Variants in CACNA1C observed in about 807,000 individuals in gnomAD.
CACNA1C encodes the protein voltage-dependent L-type calcium channel subunit alpha-1C.
CACNA1C carries 30 observed loss-of-function variants against 229.0 expected under a neutral mutation model. The ratio of observed to expected loss-of-function variants is 0.13; its 90% CI spans 0.10 to 0.18. CACNA1C has a LOEUF of 0.18. Ranked by LOEUF, CACNA1C falls within the 10% of genes least tolerant of loss-of-function variation. The pLI, the probability that CACNA1C is intolerant of heterozygous loss-of-function variation, is 1.00. For synonymous variants in CACNA1C, 1,114 were observed against 1,132.5 expected, an observed-to-expected ratio of 0.98 and a Z score of 0.33; for missense variants, 1,658 against 2,845.0, an observed-to-expected ratio of 0.58 and a Z score of 9.49.
At chr12:2,294,706 A>G (rs562375869) in intron 3 of CACNA1C, among the ~76,000 whole-genome samples, 160 of 152,244 alleles carry the variant, frequency 1.1e-3, no homozygotes, top group African/African-American at 3.5e-3. Flanking sequence ...TGGCTTTGTT[A>G]GTTAATATGT....
At chr12:2,508,664 A>G (rs2099776956) in intron 8 of CACNA1C, among the ~76,000 whole-genome samples, 1 of 152,194 alleles carries the variant, frequency 6.6e-6, no homozygotes, top group Non-Finnish European at 1.5e-5. Flanking sequence ...AAAAGTAAAA[A>G]AGAAAAAATT....
chr12:2,596,031 C>T (rs924512090), intron 20 of CACNA1C, 28 bp downstream of exon 20: 2 of 1,596,008 alleles, frequency 1.3e-6, no homozygotes, highest in Non-Finnish European at 1.7e-6. Context: ...CTTCTGCACT[C>T]CTTCCCCCTG....
chr12:2,661,209 C>CT (rs1377028230), intron 34 of CACNA1C, among the ~76,000 whole-genome samples: 2 of 151,068 alleles, frequency 1.3e-5, no homozygotes, highest in Admixed American at 1.3e-4. Context: ...TTACAGTGAG[C>CT]TAAGATGGCT....
intron 1 of CACNA1C, among the ~76,000 whole-genome samples, chr12:1,981,611 T>C (rs546491200): frequency 1.1e-4 from 17 of 152,284 alleles, no homozygotes; most frequent in Admixed American, 9.8e-4. Context: ...GATGGTAAAC[T>C]GTAAGGGGGA....
At chr12:2,449,310 T>C (rs75588355) in intron 4 of CACNA1C, among the ~76,000 whole-genome samples, 195 bp downstream of exon 4, 1 of 152,050 alleles carries the variant, frequency 6.6e-6, no homozygotes, top group Non-Finnish European at 1.5e-5. Context: ...AGTGAGAGAG[T>C]GCGCTTCCTG....
In CACNA1C at chr12:2,677,193, C is replaced by A; in HGVS notation, c.4928C>A (p.Pro1643His). Reference sequence around the variant, plus strand: ...AAAGAGCAGGGCCTTGTGGGCAAGCCCTCCCAGAGGAACGCGCTGTCTCTG... The same window carrying A: ...AAAGAGCAGGGCCTTGTGGGCAAGCACTCCCAGAGGAACGCGCTGTCTCTG... ...KRKEQGLVGKPSQRNALSLQA... is the reference protein window; with the variant it reads ...KRKEQGLVGKHSQRNALSLQA... Residue 1643 changes from proline to histidine, a missense_variant, in exon 40 of 47, where the codon CCC becomes CAC. Pro to His is a moderately conservative substitution (Grantham distance 77). Transcript: ENST00000399655. This position sits in a 1 kb window ranked among gnomAD's most constrained non-coding sequence, Gnocchi z 7.4. 1 of 1,613,760 alleles carries A rather than the reference C, an allele frequency of 6.2e-7. No homozygotes were observed. Among genetic ancestry groups the A allele is most frequent in the Non-Finnish European group, 8.5e-7 (1 of 1,179,826 alleles).
chr12:2,222,389 C>T (rs546689735), intron 3 of CACNA1C: 105 of 152,302 alleles, frequency 6.9e-4, no homozygotes, highest in Middle Eastern at 3.4e-3. Context: ...TTGAACACGA[C>T]GCTTAACCTC....
intron 33 of CACNA1C, 21 bp from the exon 34 acceptor site, chr12:2,655,126 C>G: frequency 6.9e-6 from 10 of 1,449,482 alleles, no homozygotes; most frequent in Non-Finnish European, 9.7e-6. Flanking sequence ...TCACTGAACA[C>G]CTCTTCCTTC....
rs1473067494 is a variant in CACNA1C at position 2,632,109 on chromosome 12, G to A, written c.3829-2188G>A. 9.9e-5 allele frequency among the ~76,000 whole-genome samples: 15 copies of A among 152,058 alleles called. No individual in the cohort carries two copies. Among genetic ancestry groups the A allele is most frequent in the Admixed American group, 9.8e-4 (15 of 15,276 alleles). On this transcript the variant is annotated intron_variant, in intron 29 of 46. Transcript: ENST00000399655. This position sits in a 1 kb window ranked among gnomAD's most constrained non-coding sequence, Gnocchi z 4.1. ...CTCCGACCTCAGAATTCCACCTCCT[G>A]GAAGCCCAGAGGGCAGGCAAATACT...
chr12:2,057,259 C>G (rs1461777487), intron 1 of CACNA1C, among the ~76,000 whole-genome samples: 1 of 152,204 alleles, frequency 6.6e-6, no homozygotes, highest in Non-Finnish European at 1.5e-5. Flanking sequence ...ATCTTGGGAT[C>G]CCTGCTTCCT....
chr12:2,458,593 C>G (rs1187007225), intron 5 of CACNA1C, among the ~76,000 whole-genome samples: 2 of 152,176 alleles, frequency 1.3e-5, no homozygotes, highest in Admixed American at 1.3e-4. Context: ...GCCCATGACT[C>G]AAGACATAGG....
chr12:2,387,536 C>CGAAA lies in CACNA1C; in HGVS notation c.478-61418_478-61415dup, dbSNP rs145897152. On this transcript the variant is annotated intron_variant, in intron 3 of 46. Transcript: ENST00000399655. Reference sequence around the variant, plus strand: ...CAATGACTAATAAGTGAACTAAGAGCGAAAGAAAGAAAGAAAGAAAGAAAG... The same window carrying CGAAA: ...CAATGACTAATAAGTGAACTAAGAGCGAAAGAAAGAAAGAAAGAAAGAAAGAAAG... 3.5e-3 allele frequency among the ~76,000 whole-genome samples: 528 copies of CGAAA among 150,326 alleles called. 2 individuals carry two copies. The highest frequency in any genetic ancestry group is 5.8e-3 in the African/African-American group (237 of 40,970).
At chr12:2,175,607 C>T (rs1241924495) in intron 3 of CACNA1C, among the ~76,000 whole-genome samples, 1 of 152,168 alleles carries the variant, frequency 6.6e-6, no homozygotes, top group East Asian at 1.9e-4. Context: ...ACTGAGGCCC[C>T]ATCAGCCTTT....
chr12:2,237,668 TA>T (rs988889458), intron 3 of CACNA1C, among the ~76,000 whole-genome samples: 34 of 152,358 alleles, frequency 2.2e-4, no homozygotes, highest in African/African-American at 8.2e-4. Flanking sequence ...TTCTGCTCCC[TA>T]TGATGTTGCC....
At chr12:2,157,060 G>C (rs1405818773) in intron 3 of CACNA1C, among the ~76,000 whole-genome samples, 1 of 152,198 alleles carries the variant, frequency 6.6e-6, no homozygotes, top group African/African-American at 2.4e-5. Flanking sequence ...GTGGTATCAG[G>C]TATTTTTGGA....
intron 3 of CACNA1C, among the ~76,000 whole-genome samples, chr12:2,266,766 A>G (rs2082545665): frequency 6.6e-6 from 1 of 152,220 alleles, no homozygotes; most frequent in Non-Finnish European, 1.5e-5. Flanking sequence ...TACCTATGAA[A>G]CACAGAGGCC....
At chr12:2,478,711 A>C (rs2099644229) in intron 5 of CACNA1C, among the ~76,000 whole-genome samples, 1 of 151,832 alleles carries the variant, frequency 6.6e-6, no homozygotes, top group Non-Finnish European at 1.5e-5. Context: ...TAGTTGGTAC[A>C]AGGACACATG....
chr12:2,488,731 G>A lies in CACNA1C; in HGVS notation c.916+2469G>A, dbSNP rs1050655377. Among the ~76,000 whole-genome samples, 4 of 152,198 alleles carry A rather than the reference G, an allele frequency of 2.6e-5. No homozygotes were observed. Among genetic ancestry groups the A allele is most frequent in the African/African-American group, 9.6e-5 (4 of 41,464 alleles). The stretch of plus-strand genomic sequence containing the variant: ...AGAGAAGGGCCCTGCCAGGCTCCAT[G>A]AGAAGGTGGCCTCACTCATTCGCTG... On this transcript the variant is annotated intron_variant, in intron 6 of 46. Transcript: ENST00000399655. The surrounding 1 kb of genome is among the most constrained non-coding windows in gnomAD (Gnocchi z 4.0).
intron 3 of CACNA1C, among the ~76,000 whole-genome samples, chr12:2,176,711 C>T (rs1393318455): frequency 6.6e-6 from 1 of 152,172 alleles, no homozygotes; most frequent in African/African-American, 2.4e-5. Context: ...GACATAAAAT[C>T]CCGGAGCAGA....
Sources: allele counts gnomAD v4.1 joint callset (sites outside exome capture counted in the v4.1 genomes callset), GRCh38; gene constraint gnomAD v4.1.1; non-coding constraint Gnocchi (gnomAD v3.1); transcripts MANE v1.5; gene names NCBI Gene and HGNC (gene_info 2026-07-23, HGNC 2026-07-21).